Variants in OXR1 observed in about 807,000 individuals in gnomAD.
The protein encoded by OXR1 is oxidation resistance 1.
Under a neutral mutation model 104.6 loss-of-function variants are expected in OXR1, and 41 were observed. The ratio of observed to expected loss-of-function variants is 0.39; its 90% CI spans 0.31 to 0.51. The LOEUF (loss-of-function observed/expected upper bound fraction) is 0.51. Ranked by LOEUF, OXR1 falls within the 20% of genes least tolerant of loss-of-function variation. The pLI is 0.77. For missense variants in OXR1, 955 were observed against 1,031.9 expected (o/e 0.93, Z 1.02); for synonymous variants, 348 against 348.4 (o/e 1.00, Z 0.01).
At chr8:106,558,602 G>T (rs928649124) in intron 3 of OXR1, among the ~76,000 whole-genome samples, 1 of 152,176 alleles carries the variant, frequency 6.6e-6, no homozygotes, top group African/African-American at 2.4e-5. Context: ...GTTGCCCCAA[G>T]CATCTTGATA....
intron 3 of OXR1, chr8:106,657,717 A>G (rs1054676668): frequency 2.5e-5 from 13 of 521,010 alleles, no homozygotes; most frequent in Non-Finnish European, 3.3e-5. Flanking sequence ...GTGACAAGCT[A>G]AGTTCTGCCT....
At chr8:106,615,330 G>C (rs1821125762) in intron 3 of OXR1, among the ~76,000 whole-genome samples, 1 of 151,602 alleles carries the variant, frequency 6.6e-6, no homozygotes, top group East Asian at 1.9e-4. Flanking sequence ...TACTCAGGAG[G>C]CTGAGGCAGG....
At chr8:106,451,621 T>C (rs577243451) in intron 2 of OXR1, among the ~76,000 whole-genome samples, 1 of 152,336 alleles carries the variant, frequency 6.6e-6, no homozygotes, top group Non-Finnish European at 1.5e-5. Context: ...TTGAAAACTT[T>C]ATGATTTTGA....
At chr8:106,537,241 C>A (rs1814605277) in intron 3 of OXR1, among the ~76,000 whole-genome samples, 1 of 152,082 alleles carries the variant, frequency 6.6e-6, no homozygotes, top group South Asian at 2.1e-4. Context: ...CAAAGGGACA[C>A]AATATTCAAT....
At chr8:106,434,867 C>T (rs889646279) in intron 2 of OXR1, among the ~76,000 whole-genome samples, 6 of 152,222 alleles carry the variant, frequency 3.9e-5, no homozygotes, top group African/African-American at 1.2e-4. Context: ...TCATTGAGGT[C>T]TCTACTTCCT....
At chr8:106,508,238 T>G (rs1007079169) in intron 2 of OXR1, among the ~76,000 whole-genome samples, 5 of 152,242 alleles carry the variant, frequency 3.3e-5, no homozygotes, top group African/African-American at 1.2e-4. Context: ...GAGGATCATG[T>G]TCTCTTCTGT....
At chr8:106,468,083 A>G (rs1263900796) in intron 2 of OXR1, among the ~76,000 whole-genome samples, 2 of 151,758 alleles carry the variant, frequency 1.3e-5, no homozygotes, top group Non-Finnish European at 2.9e-5. Flanking sequence ...AGACAGGAAG[A>G]TAAGTAGCAT....
intron 3 of OXR1, among the ~76,000 whole-genome samples, chr8:106,597,964 G>A (rs1819655894): frequency 6.6e-6 from 1 of 152,022 alleles, no homozygotes. Context: ...CACCTCCTCT[G>A]GCCACCCTCT....
Position 106,551,411 on chromosome 8 carries a change from A to C in OXR1, c.220+32272A>C, listed in dbSNP as rs187899090. ...TCACTTAAGGTATAAATACAAAAAT[A>C]TATAAACTTTTAATTAGCTATTTAC... On this transcript the variant is annotated intron_variant, in intron 3 of 16. Coordinates refer to ENST00000517566, the MANE Select transcript of OXR1 (RefSeq NM_001198533.2). Among the ~76,000 whole-genome samples, 6 of 152,318 alleles carry C rather than the reference A, an allele frequency of 3.9e-5. No homozygotes were observed. In the East Asian group the frequency reaches 1.2e-3, roughly 29 times the overall value.
chr8:106,707,139 A>G lies in OXR1; in HGVS notation c.1618A>G (p.Ile540Val), dbSNP rs757231523. The change falls in exon 9 of 17, where the codon ATA becomes GTA. Residue 540 changes from isoleucine (I) to valine (V), a missense_variant. Physicochemically the swap from Ile to Val is conservative, Grantham distance 29. Coordinates refer to ENST00000517566, the MANE Select transcript of OXR1 (RefSeq NM_001198533.2). ...KHKITSADGH[I>V]ESSALLKEKQ... ...TAAAATTACATCTGCTGATGGACAC[A>G]TAGAAAGTAAGTGTTATAGAGTAAA... 1.2e-6 allele frequency: 2 copies of G among 1,612,306 alleles called. No homozygotes were observed. The highest frequency in any genetic ancestry group is 2.2e-5 in the East Asian group (1 of 44,862).
chr8:106,483,353 G>A (rs550504336), intron 2 of OXR1, among the ~76,000 whole-genome samples: 8 of 151,692 alleles, frequency 5.3e-5, no homozygotes, highest in South Asian at 4.2e-4. Context: ...AATTTAGAAA[G>A]TATTTCCTGA....
At chr8:106,497,946 T>C (rs532621123) in intron 2 of OXR1, among the ~76,000 whole-genome samples, 3 of 152,158 alleles carry the variant, frequency 2.0e-5, no homozygotes, top group Non-Finnish European at 2.9e-5. Flanking sequence ...TTACCATGTA[T>C]GTGTATTGCT....
chr8:106,355,590 G>A (rs1815933303), intron 1 of OXR1, among the ~76,000 whole-genome samples: 1 of 151,944 alleles, frequency 6.6e-6, no homozygotes, highest in African/African-American at 2.4e-5. Context: ...AAGGAAAGAT[G>A]ATATAACAAC....
intron 3 of OXR1, among the ~76,000 whole-genome samples, chr8:106,626,568 C>T (rs912888057): frequency 2.3e-4 from 33 of 146,170 alleles, no homozygotes; most frequent in African/African-American, 8.0e-4. Flanking sequence ...TTTTTTTTTA[C>T]CTTAAAAGTA....
chr8:106,543,536 A>G (rs1287296212), intron 3 of OXR1, among the ~76,000 whole-genome samples: 2 of 152,198 alleles, frequency 1.3e-5, no homozygotes, highest in Admixed American at 1.3e-4. Context: ...GAATATCCCC[A>G]GATGAATATT....
At chr8:106,552,080 A>T (rs943337395) in intron 3 of OXR1, among the ~76,000 whole-genome samples, 8 of 151,838 alleles carry the variant, frequency 5.3e-5, no homozygotes, top group African/African-American at 1.9e-4. Flanking sequence ...AAGTAAAAAT[A>T]AAAGGAAGGC....
At chr8:106,292,189 T>C (rs1359118586) in intron 1 of OXR1, among the ~76,000 whole-genome samples, 2 of 152,214 alleles carry the variant, frequency 1.3e-5, no homozygotes, top group East Asian at 3.8e-4. Flanking sequence ...ATCCTTATTT[T>C]ACTATTCATA....
chr8:106,535,073 C>T (rs1814387191), intron 3 of OXR1, among the ~76,000 whole-genome samples: 1 of 152,208 alleles, frequency 6.6e-6, no homozygotes, highest in South Asian at 2.1e-4. Context: ...CACCATTCTC[C>T]TGCCTCAGCC....
At chr8:106,318,997 T>C (rs935835876) in intron 1 of OXR1, among the ~76,000 whole-genome samples, 3 of 152,246 alleles carry the variant, frequency 2.0e-5, no homozygotes, top group African/African-American at 7.2e-5. Flanking sequence ...ATTTGAATAG[T>C]TGATATTTCT....
Sources: allele counts gnomAD v4.1 joint callset (sites outside exome capture counted in the v4.1 genomes callset), GRCh38; gene constraint gnomAD v4.1.1; transcripts MANE v1.5; gene names NCBI Gene and HGNC (gene_info 2026-07-23, HGNC 2026-07-21).